PRKG1: variants seen among roughly 807,000 people sequenced by gnomAD.
PRKG1 encodes cGMP-dependent protein kinase 1.
PRKG1 carries 35 observed loss-of-function variants against 88.1 expected under a neutral mutation model. That is an observed-to-expected ratio of 0.40 (90% CI 0.30 to 0.53). The LOEUF (loss-of-function observed/expected upper bound fraction) is 0.53. Ranked by LOEUF, PRKG1 falls within the 20% of genes least tolerant of loss-of-function variation. The pLI, the probability that PRKG1 is intolerant of heterozygous loss-of-function variation, is 0.59. For synonymous variants in PRKG1, 303 were observed against 292.5 expected (o/e 1.04, Z -0.37); for missense variants, 540 against 839.8 (o/e 0.64, Z 4.41).
intron 2 of PRKG1, among the ~76,000 whole-genome samples, chr10:51,376,116 G>T (rs1842812643): frequency 1.3e-5 from 2 of 152,126 alleles, no homozygotes; most frequent in Admixed American, 1.3e-4. Flanking sequence ...GATGCCTTGG[G>T]TATTTATCCA....
intron 4 of PRKG1, among the ~76,000 whole-genome samples, chr10:51,815,574 C>T (rs914818772): frequency 2.0e-5 from 3 of 152,042 alleles, no homozygotes; most frequent in Non-Finnish European, 4.4e-5. Context: ...ACAAAGAAAG[C>T]GTCTTAGTGT....
intron 3 of PRKG1, among the ~76,000 whole-genome samples, chr10:51,551,147 T>C (rs1837119659): frequency 6.6e-6 from 1 of 151,826 alleles, no homozygotes; most frequent in African/African-American, 2.4e-5. Context: ...ACTCACATAA[T>C]GGGTATTTAA....
chr10:51,276,259 G>C (rs11594709), intron 2 of PRKG1, among the ~76,000 whole-genome samples: 21,216 of 152,004 alleles, frequency 0.14, 1,596 homozygotes, highest in East Asian at 0.19. Flanking sequence ...ATGATGGTTT[G>C]CAGCTTCATC....
intron 3 of PRKG1, among the ~76,000 whole-genome samples, chr10:51,751,534 A>C (rs1460725029): frequency 6.6e-6 from 1 of 152,170 alleles, no homozygotes; most frequent in African/African-American, 2.4e-5. Context: ...GATGGGGTAC[A>C]ACTGAACTTT....
chr10:50,993,846 T>A (rs369283591), intron 1 of PRKG1, among the ~76,000 whole-genome samples: 1 of 152,216 alleles, frequency 6.6e-6, no homozygotes, highest in Non-Finnish European at 1.5e-5. Flanking sequence ...GTTGTTTGTA[T>A]GTACTGGGAG....
intron 2 of PRKG1, among the ~76,000 whole-genome samples, chr10:51,286,307 C>T (rs1840440206): frequency 6.6e-6 from 1 of 152,162 alleles, no homozygotes; most frequent in Non-Finnish European, 1.5e-5. Context: ...TTCATGTTTA[C>T]AATAATGTGG....
chr10:51,186,831 G>A (rs1419905468), intron 2 of PRKG1, among the ~76,000 whole-genome samples: 3 of 151,440 alleles, frequency 2.0e-5, no homozygotes, highest in Non-Finnish European at 2.9e-5. Flanking sequence ...ACTTGCCATT[G>A]CAGTTTCTAT....
chr10:51,033,311 G>A (rs1204034834), intron 1 of PRKG1, among the ~76,000 whole-genome samples: 1 of 152,092 alleles, frequency 6.6e-6, no homozygotes, highest in African/African-American at 2.4e-5. Context: ...AATAATAGAA[G>A]ACATTTATTG....
chr10:51,410,258 G>A (rs4041296), intron 2 of PRKG1, among the ~76,000 whole-genome samples: 99,489 of 145,192 alleles, frequency 0.69, 34,358 homozygotes, highest in Non-Finnish European at 0.76. Context: ...GTGTGTGTGT[G>A]TATATATATA....
At chr10:52,088,214 A>C (rs1350650979) in intron 7 of PRKG1, among the ~76,000 whole-genome samples, 2 of 152,006 alleles carry the variant, frequency 1.3e-5, no homozygotes, top group Admixed American at 1.3e-4. Context: ...TTAATTTAAA[A>C]ATTTGAAAAA....
rs78896881 is a variant in PRKG1, at chr10:52,127,591, T to C, written c.936-6249T>C. On this transcript the variant is annotated intron_variant, in intron 7 of 17. Coordinates refer to ENST00000373980, the MANE Select transcript of PRKG1 (RefSeq NM_006258.4). ...ATAATTGGGAGATTAATTTATTATA[T>C]AGAAACTTAGGGAAGGGGACTACTA... Among the ~76,000 whole-genome samples, 943 of 152,180 alleles carry C rather than the reference T, an allele frequency of 6.2e-3. 6 individuals carry two copies. The highest frequency in any genetic ancestry group is 0.021 in the African/African-American group (869 of 41,512).
intron 1 of PRKG1, among the ~76,000 whole-genome samples, chr10:51,075,896 C>G (rs2132807770): frequency 6.6e-6 from 1 of 152,210 alleles, no homozygotes; most frequent in East Asian, 1.9e-4. Context: ...GGAGAGCACC[C>G]AAAAGAACGG....
At chr10:51,603,202 C>T (rs1838663511) in intron 3 of PRKG1, among the ~76,000 whole-genome samples, 1 of 152,142 alleles carries the variant, frequency 6.6e-6, no homozygotes. Context: ...AAGTGCTCTG[C>T]CCACCTTGGC....
intron 2 of PRKG1, among the ~76,000 whole-genome samples, chr10:51,293,882 C>A (rs975521398): frequency 5.3e-5 from 8 of 152,072 alleles, no homozygotes; most frequent in African/African-American, 1.9e-4. Flanking sequence ...CACAACCTCA[C>A]CAACATTTCT....
chr10:51,767,502 A>G (rs1262422212), intron 3 of PRKG1, among the ~76,000 whole-genome samples: 1 of 152,174 alleles, frequency 6.6e-6, no homozygotes, highest in African/African-American at 2.4e-5. Context: ...TGCTTTCTCT[A>G]CCTTATGTAC....
chr10:52,168,459 G>C (rs1838557333), intron 9 of PRKG1, among the ~76,000 whole-genome samples: 1 of 152,174 alleles, frequency 6.6e-6, no homozygotes, highest in Non-Finnish European at 1.5e-5. Context: ...GAACAAAAGA[G>C]AGAAGGAGAT....
At chr10:51,620,377 A>T (rs1045534002) in intron 3 of PRKG1, among the ~76,000 whole-genome samples, 1 of 152,228 alleles carries the variant, frequency 6.6e-6, no homozygotes, top group South Asian at 2.1e-4. Flanking sequence ...CACCCTAGAC[A>T]CTAAAGATAC....
At chr10:51,985,151 T>C (rs1490141664) in intron 5 of PRKG1, among the ~76,000 whole-genome samples, 5 of 152,204 alleles carry the variant, frequency 3.3e-5, no homozygotes, top group African/African-American at 9.6e-5. Flanking sequence ...ATTCCATGCC[T>C]TTTGTTAAAC....
At chr10:52,079,016 T>G (rs1846701699) in intron 7 of PRKG1, among the ~76,000 whole-genome samples, 1 of 152,226 alleles carries the variant, frequency 6.6e-6, no homozygotes, top group African/African-American at 2.4e-5. Context: ...TACTGGCATT[T>G]TAATTTCTTT....
Sources: gnomAD v4.1 joint callset for allele counts (sites outside exome capture counted in the v4.1 genomes callset) on GRCh38, gnomAD v4.1.1 for gene constraint, MANE v1.5 for transcripts, NCBI Gene and HGNC (gene_info 2026-07-23, HGNC 2026-07-21) for gene names.